Variants in ROCK2 observed in about 807,000 individuals in gnomAD.
ROCK2 encodes Rho associated coiled-coil containing protein kinase 2.
Under a neutral mutation model 195.1 loss-of-function variants are expected in ROCK2, and 61 were observed. That is an observed-to-expected ratio of 0.31 (90% CI 0.25 to 0.39). The LOEUF (loss-of-function observed/expected upper bound fraction) is 0.39. Among genes scored for constraint, ROCK2 ranks in the 10% least tolerant of loss-of-function variants. The probability of loss-of-function intolerance (pLI) is 1.00; values close to 1 mark genes in which losing one functional copy is unlikely to be tolerated. For missense variants in ROCK2, 1,109 were observed against 1,637.4 expected (o/e 0.68, Z 5.57); for synonymous variants, 504 against 545.5 (o/e 0.92, Z 1.06).
chr2:11,196,942 T>C (rs1414842930), intron 27 of ROCK2, among the ~76,000 whole-genome samples: 1 of 152,142 alleles, frequency 6.6e-6, no homozygotes, highest in African/African-American at 2.4e-5. Context: ...AGAGCTAATA[T>C]AATAATTTAA....
rs75161513 is a variant in ROCK2 at position 11,259,676 on chromosome 2, G to T, written c.325-9878C>A. On this transcript the variant is annotated intron_variant, in intron 3 of 32. Transcript: ENST00000315872. ...AAGTATTAATTAGTAATTATCCTTA[G>T]TGATACATAAATCTATACTAATAAG... is the stretch of plus-strand genomic sequence containing the variant. 7.3e-5 allele frequency among the ~76,000 whole-genome samples: 11 copies of T among 151,206 alleles called. No homozygotes were observed. The East Asian group carries it at 2.1e-3, about 29-fold the overall frequency.
chr2:11,188,401 C>T lies in ROCK2; in HGVS notation c.4163+3747G>A, dbSNP rs148499256. ...CTGGGATTACAGGTGTGAGCCACCG[C>T]GCCCAGCCCAGACTGGTATATTTTT... On this transcript the variant is annotated intron_variant, in intron 32 of 32. Transcript: ENST00000315872. Among the ~76,000 whole-genome samples the T allele has an allele frequency of 5.3e-5, 8 of 152,050 alleles. No individual in the cohort carries two copies. The South Asian group carries it at 8.3e-4, about 16-fold the overall frequency.
In ROCK2 at chr2:11,182,477, T is replaced by C. The variant is rs1247434024; in HGVS notation, c.*960A>G. 1 of 152,216 alleles carries C rather than the reference T, an allele frequency of 6.6e-6. No individual in the cohort carries two copies. The highest frequency in any genetic ancestry group is 1.9e-4 in the East Asian group (1 of 5,198). 9.4% of individuals were successfully genotyped at this position (152,216 alleles called of 1,614,324 possible). A position where few individuals can be genotyped will look rare whatever the true frequency, so the allele number is the denominator to read the frequency against. ...ATGAATAATAGACAGACATCAAGGA[T>C]ATATTAGTTCCAACACCATCCATTA... On this transcript the variant is annotated 3_prime_UTR_variant, in exon 33 of 33. Transcript: ENST00000315872.
intron 3 of ROCK2, among the ~76,000 whole-genome samples, chr2:11,269,456 A>G (rs1666545658): frequency 6.6e-6 from 1 of 151,738 alleles, no homozygotes; most frequent in Admixed American, 6.6e-5. Flanking sequence ...GGTTGCAGTG[A>G]GCCAAGACTG....
rs886171460 is a variant in ROCK2 at position 11,283,689 on chromosome 2, G to A, written c.324+2850C>T. Among the ~76,000 whole-genome samples, 14 of 152,162 alleles carry A rather than the reference G, an allele frequency of 9.2e-5. No individual in the cohort carries two copies. The Middle Eastern group carries it at 0.014, about 149-fold the overall frequency. ...ATCAGGGAAATGTCAAATTAATAAG[G>A]AGATACTGTTAAACACCTAATCAAA... On this transcript the variant is annotated intron_variant, in intron 3 of 32. Coordinates refer to ENST00000315872, the MANE Select transcript of ROCK2 (RefSeq NM_004850.5).
intron 1 of ROCK2, among the ~76,000 whole-genome samples, chr2:11,328,626 C>T (rs537456493): frequency 1.3e-5 from 2 of 152,248 alleles, no homozygotes; most frequent in Admixed American, 1.3e-4. Flanking sequence ...TTTAAAAATA[C>T]ACTTGAAACT....
chr2:11,191,275 G>A (rs1663412322), intron 32 of ROCK2, among the ~76,000 whole-genome samples: 1 of 152,178 alleles, frequency 6.6e-6, no homozygotes, highest in African/African-American at 2.4e-5. Flanking sequence ...TGGCTATTGT[G>A]AATCACGATA....
chr2:11,208,824 C>T (rs189988696), intron 18 of ROCK2, among the ~76,000 whole-genome samples: 1,671 of 152,108 alleles, frequency 0.011, 24 homozygotes, highest in African/African-American at 0.038. Context: ...AACTCCTGGC[C>T]TCATGCAATC....
chr2:11,274,224 C>T (rs1666748809), intron 3 of ROCK2, among the ~76,000 whole-genome samples: 1 of 151,340 alleles, frequency 6.6e-6, no homozygotes, highest in African/African-American at 2.4e-5. Flanking sequence ...ACAAACTAAA[C>T]CCAAAGCCAT....
intron 3 of ROCK2, among the ~76,000 whole-genome samples, chr2:11,256,423 T>C (rs912584542): frequency 2.0e-5 from 3 of 151,334 alleles, no homozygotes; most frequent in East Asian, 1.9e-4. Context: ...CCTTCTGCCA[T>C]GATTGTAAAT....
chr2:11,207,959 T>C lies in ROCK2; in HGVS notation c.2365-49A>G, dbSNP rs762428838. ...GTATATAAGTAAATTATTTCCATTT[T>C]TCTAATCAATGAAGTTGGTATAAAA... On this transcript the variant is annotated intron_variant, in intron 19 of 32. Coordinates refer to ENST00000315872, the MANE Select transcript of ROCK2 (RefSeq NM_004850.5). The C allele has an allele frequency of 2.1e-5, 27 of 1,310,682 alleles. No homozygotes were observed. The African/African-American group carries it at 3.6e-4, about 17-fold the overall frequency. 81.2% of individuals were successfully genotyped at this position (1,310,682 alleles called of 1,614,324 possible).
At position 11,218,450 on chromosome 2, in the gene ROCK2, C is replaced by T; in HGVS notation, c.1332+5G>A. ...TTTTCAATATATCTGACAACATCAA[C>T]ATACCTCTTGACTTTCCTATTTAAA... On this transcript the variant is annotated splice_donor_5th_base_variant and intron_variant, in intron 11 of 32. Coordinates refer to ENST00000315872, the MANE Select transcript of ROCK2 (RefSeq NM_004850.5). 1 of 1,560,460 alleles carries T rather than the reference C, an allele frequency of 6.4e-7. No individual in the cohort carries two copies. The highest frequency in any genetic ancestry group is 8.7e-7 in the Non-Finnish European group (1 of 1,149,540).
Position 11,197,775 on chromosome 2 carries a change from A to C in ROCK2, c.3100-70T>G. 9.5e-7 allele frequency: 1 copy of C among 1,056,748 alleles called. No individual in the cohort carries two copies. The highest frequency in any genetic ancestry group is 1.3e-6 in the Non-Finnish European group (1 of 787,714). 65.5% of individuals were successfully genotyped at this position (1,056,748 alleles called of 1,614,324 possible). A position where few individuals can be genotyped will look rare whatever the true frequency, so the allele number is the denominator to read the frequency against. ...TACGTTTATGGTTTCTCAGTATCTCATCAAGAGCAACAAGTTATACAATCA... is the reference window on the plus strand; with the variant it reads ...TACGTTTATGGTTTCTCAGTATCTCCTCAAGAGCAACAAGTTATACAATCA... On this transcript the variant is annotated intron_variant, in intron 25 of 32. Coordinates refer to ENST00000315872, the MANE Select transcript of ROCK2 (RefSeq NM_004850.5). This position sits in a 1 kb window ranked among gnomAD's most constrained non-coding sequence, Gnocchi z 4.9.
intron 12 of ROCK2, 32 bp downstream of exon 12, chr2:11,217,058 T>C (rs1664459408): frequency 9.0e-7 from 1 of 1,111,666 alleles, no homozygotes; most frequent in Admixed American, 2.0e-5. Flanking sequence ...TTAAATTTTA[T>C]AATGTAATAT....
Position 11,192,602 on chromosome 2 carries a change from A to C in ROCK2, c.3798T>G (p.Thr1266=), listed in dbSNP as rs369381501. 50 of 1,613,984 alleles carry C rather than the reference A, an allele frequency of 3.1e-5. No individual in the cohort carries two copies. The East Asian group carries it at 5.8e-4, about 19-fold the overall frequency. Residue 1266 remains threonine (T), a synonymous_variant, in exon 31 of 33, where the codon ACT becomes ACG. Transcript: ENST00000315872. This position sits in a 1 kb window ranked among gnomAD's most constrained non-coding sequence, Gnocchi z 5.0. ...ICHKGHEFIP[T]LYHFPTNCEA... is the part of the protein sequence containing the mutation. ...CACAGTTGGTTGGGAAATGATAAAG[A>C]GTAGGAATAAACTCATGTCCCTTGT...
chr2:11,315,196 G>A (rs1451584812), intron 1 of ROCK2, among the ~76,000 whole-genome samples: 1 of 151,962 alleles, frequency 6.6e-6, no homozygotes, highest in East Asian at 1.9e-4. Context: ...CAATTATTCT[G>A]AAGTTAGAGA....
intron 4 of ROCK2, among the ~76,000 whole-genome samples, chr2:11,236,614 C>G (rs1008405659): frequency 1.6e-4 from 25 of 152,176 alleles, no homozygotes; most frequent in Non-Finnish European, 4.4e-5. Context: ...ACCCCCCAAA[C>G]AGACAGAGAA....
rs1667929431 is a variant in ROCK2 at position 11,308,395 on chromosome 2, A to G, written c.142-20659T>C. 8 of 1,572,954 alleles carry G rather than the reference A, an allele frequency of 5.1e-6. No homozygotes were observed. The Admixed American group carries it at 1.2e-4, about 23-fold the overall frequency. On this transcript the variant is annotated intron_variant, in intron 1 of 32. Transcript: ENST00000315872. ...TAAGAAGAATTTTGGCACCTGGTGAAGAAGAGAATTTGGAATCTGAAGAAG... is the reference window on the plus strand; with the variant it reads ...TAAGAAGAATTTTGGCACCTGGTGAGGAAGAGAATTTGGAATCTGAAGAAG...
chr2:11,307,372 G>A (rs549536645), intron 1 of ROCK2, among the ~76,000 whole-genome samples: 4 of 152,328 alleles, frequency 2.6e-5, no homozygotes, highest in Admixed American at 6.5e-5. Flanking sequence ...GGAGTGCAGT[G>A]GTGCGATCTC....
Sources: allele counts gnomAD v4.1 joint callset (sites outside exome capture counted in the v4.1 genomes callset), GRCh38; gene constraint gnomAD v4.1.1; non-coding constraint Gnocchi (gnomAD v3.1); transcripts MANE v1.5; gene names NCBI Gene and HGNC (gene_info 2026-07-23, HGNC 2026-07-21).